The following TFCP2L1 variants were observed in gnomAD, a reference collection of about 807,000 sequenced individuals.
TFCP2L1 encodes the protein transcription factor CP2-like protein 1.
A neutral mutation model predicts 72.2 loss-of-function variants in TFCP2L1; 12 were observed. The ratio of observed to expected loss-of-function variants is 0.17; its 90% CI spans 0.11 to 0.27. TFCP2L1 has a LOEUF of 0.27. Among genes scored for constraint, TFCP2L1 ranks in the 10% least tolerant of loss-of-function variants. The pLI is 1.00. For synonymous variants in TFCP2L1, 260 were observed against 251.0 expected, an observed-to-expected ratio of 1.04 and a Z score of -0.34; for missense variants, 488 against 624.6, an observed-to-expected ratio of 0.78 and a Z score of 2.33.
intron 10 of TFCP2L1, 61 bp from the exon 11 acceptor site, chr2:121,235,372 C>A: frequency 6.5e-7 from 1 of 1,546,074 alleles, no homozygotes; most frequent in Non-Finnish European, 8.9e-7. Flanking sequence ...GCTCGGTCCC[C>A]AACCAGCTGC....
chr2:121,239,733 G>T, intron 7 of TFCP2L1, 84 bp from the exon 8 acceptor site: 1 of 1,307,830 alleles, frequency 7.6e-7, no homozygotes, highest in South Asian at 1.4e-5. Context: ...GGCATGCACT[G>T]ACACCAATGC....
At chr2:121,276,547 C>A (rs1427331207) in intron 2 of TFCP2L1, among the ~76,000 whole-genome samples, 1 of 151,584 alleles carries the variant, frequency 6.6e-6, no homozygotes, top group African/African-American at 2.4e-5. Flanking sequence ...GTAGGAGGAT[C>A]CCCTGAGCCC....
intron 2 of TFCP2L1, among the ~76,000 whole-genome samples, chr2:121,259,835 TG>T: frequency 6.6e-6 from 1 of 152,166 alleles, no homozygotes; most frequent in East Asian, 1.9e-4. Context: ...TCTTCAGTAT[TG>T]GCCTGAAAAA....
chr2:121,228,262 T>A (rs1006434054), intron 13 of TFCP2L1, among the ~76,000 whole-genome samples: 6 of 152,210 alleles, frequency 3.9e-5, no homozygotes, highest in Admixed American at 3.9e-4. Context: ...GGACCCGTGA[T>A]ATTGCAAGCG....
At chr2:121,278,379 A>C (rs993245841) in intron 2 of TFCP2L1, among the ~76,000 whole-genome samples, 4 of 149,448 alleles carry the variant, frequency 2.7e-5, no homozygotes, top group Non-Finnish European at 5.9e-5. Context: ...TCAACTTTTA[A>C]AACTCTTTTT....
chr2:121,252,697 C>A (rs551746844), intron 2 of TFCP2L1, among the ~76,000 whole-genome samples: 29 of 152,268 alleles, frequency 1.9e-4, no homozygotes, highest in African/African-American at 7.0e-4. Flanking sequence ...TCCCCAAGAT[C>A]CCCCAGGAGC....
At chr2:121,257,401 T>TG (rs1300978148) in intron 2 of TFCP2L1, among the ~76,000 whole-genome samples, 1 of 152,186 alleles carries the variant, frequency 6.6e-6, no homozygotes, top group East Asian at 1.9e-4. Context: ...GCCTGGTTCC[T>TG]GCCCAAGGGC....
chr2:121,279,398 G>C (rs1033885299), intron 2 of TFCP2L1, among the ~76,000 whole-genome samples: 5 of 152,152 alleles, frequency 3.3e-5, no homozygotes, highest in Admixed American at 2.0e-4. Context: ...GCCACCGTCC[G>C]CTGCAGATGG....
intron 2 of TFCP2L1, among the ~76,000 whole-genome samples, chr2:121,280,235 G>A (rs1329054975): frequency 1.3e-5 from 2 of 151,524 alleles, no homozygotes; most frequent in Non-Finnish European, 2.9e-5. Context: ...GAGCTAGGAA[G>A]TGCCAGAGTT....
chr2:121,221,306 T>G lies in TFCP2L1; in HGVS notation c.*3035A>C, dbSNP rs1133080. The G allele has an allele frequency of 6.6e-6, 1 of 151,280 alleles. No homozygotes were observed. Among genetic ancestry groups the G allele is most frequent in the Non-Finnish European group, 1.5e-5 (1 of 67,966 alleles). 9.4% of individuals were successfully genotyped at this position (151,280 alleles called of 1,614,324 possible). On this transcript the variant is annotated 3_prime_UTR_variant, in exon 15 of 15. Coordinates refer to ENST00000263707, the MANE Select transcript of TFCP2L1 (RefSeq NM_014553.3). ...AAGACTGGGGAACATCAGAGAGAGATAGGACTCAGTACCGTTGACTCAGGT... is the reference window on the plus strand; with the variant it reads ...AAGACTGGGGAACATCAGAGAGAGAGAGGACTCAGTACCGTTGACTCAGGT...
chr2:121,265,137 G>A (rs1398381227), intron 2 of TFCP2L1, among the ~76,000 whole-genome samples: 3 of 152,118 alleles, frequency 2.0e-5, no homozygotes, highest in African/African-American at 4.8e-5. Context: ...ATATTATTTA[G>A]CAATAAAAAA....
chr2:121,235,412 G>A, intron 10 of TFCP2L1, 101 bp from the exon 11 acceptor site: 5 of 1,130,342 alleles, frequency 4.4e-6, no homozygotes, highest in Non-Finnish European at 6.6e-6. Context: ...GTGGGGGGTG[G>A]GGAAGAGCCA....
intron 2 of TFCP2L1, among the ~76,000 whole-genome samples, chr2:121,270,166 C>T (rs555032072): frequency 2.0e-5 from 3 of 152,110 alleles, no homozygotes; most frequent in Admixed American, 1.3e-4. Flanking sequence ...ATATTTTCCC[C>T]ACCAGTTACC....
intron 2 of TFCP2L1, among the ~76,000 whole-genome samples, chr2:121,270,863 C>A (rs1467528507): frequency 6.7e-6 from 1 of 150,244 alleles, no homozygotes; most frequent in Admixed American, 6.6e-5. Flanking sequence ...AGCTAGACTC[C>A]ATCTCTAAAC....
intron 1 of TFCP2L1, among the ~76,000 whole-genome samples, chr2:121,282,117 G>A (rs1687275775): frequency 1.3e-5 from 2 of 151,828 alleles, no homozygotes; most frequent in South Asian, 4.2e-4. Flanking sequence ...ATTTTTAGTA[G>A]AGACAGGGTT....
At chr2:121,247,412 C>T (rs1241662110) in intron 5 of TFCP2L1, among the ~76,000 whole-genome samples, 1 of 152,174 alleles carries the variant, frequency 6.6e-6, no homozygotes, top group African/African-American at 2.4e-5. Context: ...CATTTCTGTA[C>T]TTCTGGTAGG....
At chr2:121,225,483 TG>T in intron 14 of TFCP2L1, 78 bp downstream of exon 14, 1 of 1,389,240 alleles carries the variant, frequency 7.2e-7, no homozygotes, top group Non-Finnish European at 1.0e-6. Flanking sequence ...CAGCACTCTC[TG>T]GAAGGGCCCA....
chr2:121,270,525 C>G (rs759246101), intron 2 of TFCP2L1, among the ~76,000 whole-genome samples: 2 of 152,108 alleles, frequency 1.3e-5, no homozygotes, highest in Non-Finnish European at 2.9e-5. Context: ...TAGATGTTCA[C>G]GGATTACTAG....
Position 121,218,904 on chromosome 2 carries a change from C to T in TFCP2L1, c.*5437G>A, listed in dbSNP as rs1685880302. ...GGTTTCAGGAGCTCTCAGGGTGCCCCTGGGCAGGTCCCAAGGAGGCCTGGG... is the reference window on the plus strand; with the variant it reads ...GGTTTCAGGAGCTCTCAGGGTGCCCTTGGGCAGGTCCCAAGGAGGCCTGGG... On this transcript the variant is annotated 3_prime_UTR_variant, in exon 15 of 15. Transcript: ENST00000263707. 6.6e-6 allele frequency: 1 copy of T among 152,218 alleles called. No homozygotes were observed. The highest frequency in any genetic ancestry group is 2.1e-4 in the South Asian group (1 of 4,830). The allele number at this position is 152,218 out of a possible 1,614,324, so 9.4% of individuals were successfully genotyped here.
Sources: gnomAD v4.1 joint callset for allele counts (sites outside exome capture counted in the v4.1 genomes callset) on GRCh38, gnomAD v4.1.1 for gene constraint, MANE v1.5 for transcripts, NCBI Gene and HGNC (gene_info 2026-07-23, HGNC 2026-07-21) for gene names.